CHMP4B: variants seen among roughly 807,000 people sequenced by gnomAD.
CHMP4B encodes the protein SNF7 homolog associated with Alix 1.
CHMP4B carries 1 observed loss-of-function variant against 25.1 expected under a neutral mutation model. That is an observed-to-expected ratio of 0.04 (90% CI 0.01 to 0.19). The LOEUF (loss-of-function observed/expected upper bound fraction) is 0.19. CHMP4B is among the 10% of genes least tolerant of loss of function. CHMP4B has a pLI of 1.00. For synonymous variants in CHMP4B, 101 were observed against 115.6 expected (o/e 0.87, Z 0.81); for missense variants, 151 against 289.7 (o/e 0.52, Z 3.48).
chr20:33,819,675 T>C (rs930314128), intron 1 of CHMP4B, among the ~76,000 whole-genome samples: 2 of 152,090 alleles, frequency 1.3e-5, no homozygotes, highest in African/African-American at 2.4e-5. Flanking sequence ...TGTGGTATAG[T>C]GGAAAAGGTG....
Position 33,811,531 on chromosome 20 carries a change from C to G in CHMP4B, c.63C>G (p.Thr21=). ...GTAAGGCCGGCAAGGGCGGCCCGAC[C>G]CCCCAGGAGGCCATCCAGCGGCTGC... is the stretch of plus-strand genomic sequence containing the variant. The part of the protein sequence containing the change: ...GGGKAGKGGP[T]PQEAIQRLRD... The change falls in exon 1 of 5, where the codon ACC becomes ACG. Residue 21 remains threonine (T), a synonymous_variant. Coordinates refer to ENST00000217402, the MANE Select transcript of CHMP4B (RefSeq NM_176812.5). 1.9e-6 allele frequency: 3 copies of G among 1,609,570 alleles called. No individual in the cohort carries two copies. Among genetic ancestry groups the G allele is most frequent in the Non-Finnish European group, 2.5e-6 (3 of 1,178,048 alleles).
chr20:33,823,431 G>C (rs1372782725), intron 1 of CHMP4B, among the ~76,000 whole-genome samples: 1 of 152,126 alleles, frequency 6.6e-6, no homozygotes, highest in Non-Finnish European at 1.5e-5. Flanking sequence ...GAGTGCAGTG[G>C]TGTGATCATG....
At chr20:33,818,532 T>C (rs868070491) in intron 1 of CHMP4B, among the ~76,000 whole-genome samples, 2 of 101,858 alleles carry the variant, frequency 2.0e-5, no homozygotes, top group East Asian at 2.1e-3. Context: ...AAATCACCTT[T>C]CTTAATTGGG....
intron 1 of CHMP4B, among the ~76,000 whole-genome samples, chr20:33,836,778 C>T (rs1979404026): frequency 6.6e-6 from 1 of 152,186 alleles, no homozygotes; most frequent in South Asian, 2.1e-4. Flanking sequence ...TCCTTGCCTG[C>T]TCCTTGGCCT....
intron 1 of CHMP4B, among the ~76,000 whole-genome samples, chr20:33,832,426 C>T (rs528308660): frequency 6.6e-6 from 1 of 152,186 alleles, no homozygotes; most frequent in African/African-American, 2.4e-5. Flanking sequence ...TCATTCCACC[C>T]GAGGGCCACA....
rs1555792706 is a variant in CHMP4B at position 33,848,457 on chromosome 20, C to T, written c.191-10C>T. 1 of 1,613,916 alleles carries T rather than the reference C, an allele frequency of 6.2e-7. No homozygotes were observed. Among genetic ancestry groups the T allele is most frequent in the South Asian group, 1.1e-5 (1 of 91,056 alleles). On this transcript the variant is annotated splice_polypyrimidine_tract_variant and intron_variant, in intron 1 of 4. Coordinates refer to ENST00000217402, the MANE Select transcript of CHMP4B (RefSeq NM_176812.5). Reference sequence around the variant, plus strand: ...GGACTCTCTGAAACCCTGTTTTCTCCCTCACGCAGCGGCCCTCCAGGCACT... The same window carrying T: ...GGACTCTCTGAAACCCTGTTTTCTCTCTCACGCAGCGGCCCTCCAGGCACT...
chr20:33,813,002 G>C (rs927432487), intron 1 of CHMP4B, among the ~76,000 whole-genome samples: 9 of 152,158 alleles, frequency 5.9e-5, no homozygotes, highest in Non-Finnish European at 1.0e-4. Context: ...TTGTCCGGGG[G>C]TGATAAGTAC....
chr20:33,816,115 G>C (rs911077311), intron 1 of CHMP4B, among the ~76,000 whole-genome samples: 6 of 152,156 alleles, frequency 3.9e-5, no homozygotes, highest in African/African-American at 1.4e-4. Context: ...CCAGTGAGGA[G>C]CCTAGAGCAA....
At chr20:33,821,108 C>G (rs557764140) in intron 1 of CHMP4B, among the ~76,000 whole-genome samples, 1 of 152,040 alleles carries the variant, frequency 6.6e-6, no homozygotes, top group Non-Finnish European at 1.5e-5. Flanking sequence ...CTGGTTTGGC[C>G]GGGTGCGGTG....
rs373310220 is a variant in CHMP4B, at chr20:33,853,594, G to A, written c.*34G>A. On this transcript the variant is annotated 3_prime_UTR_variant, in exon 5 of 5. Transcript: ENST00000217402. ...AGCGCTGGCTGGGCCCAGACAGACT[G>A]TGGTGGCCTGCGCAGCGAGCAGGCG... 5.0e-6 allele frequency: 8 copies of A among 1,595,690 alleles called. No homozygotes were observed. Among genetic ancestry groups the A allele is most frequent in the Admixed American group, 1.7e-5 (1 of 59,952 alleles).
At position 33,851,063 on chromosome 20, in the gene CHMP4B, C is replaced by T. The variant is rs551868035; in HGVS notation, c.480C>T (p.Asp160=). The T allele has an allele frequency of 1.1e-5, 17 of 1,587,314 alleles. No individual in the cohort carries two copies. In the Admixed American group the frequency reaches 1.7e-4, roughly 16 times the overall value. ...CTGTAGGGTTTGGAGAAGAGTTTGA[C>T]GAGGTGAGTAGTTTTGTACAGATCC... ...SKPVGFGEEF[D]EDELMAELEE... The change falls in exon 3 of 5, where the codon GAC becomes GAT. Residue 160 remains aspartate (D), a synonymous_variant. Coordinates refer to ENST00000217402, the MANE Select transcript of CHMP4B (RefSeq NM_176812.5).
At chr20:33,823,426 C>T (rs185807046) in intron 1 of CHMP4B, among the ~76,000 whole-genome samples, 7 of 152,208 alleles carry the variant, frequency 4.6e-5, no homozygotes, top group Middle Eastern at 3.4e-3. Context: ...GGTTGGAGTG[C>T]AGTGGTGTGA....
chr20:33,844,156 T>C (rs1263358293), intron 1 of CHMP4B, among the ~76,000 whole-genome samples: 1 of 152,156 alleles, frequency 6.6e-6, no homozygotes, highest in Non-Finnish European at 1.5e-5. Flanking sequence ...GCCAGGTGCT[T>C]GCGGGAAGTC....
chr20:33,845,744 A>C (rs1979671797), intron 1 of CHMP4B, among the ~76,000 whole-genome samples: 1 of 152,220 alleles, frequency 6.6e-6, no homozygotes, highest in Non-Finnish European at 1.5e-5. Flanking sequence ...ATTCACAATC[A>C]CTTGGTGATT....
intron 1 of CHMP4B, among the ~76,000 whole-genome samples, chr20:33,821,513 G>A (rs1978941077): frequency 6.6e-6 from 1 of 152,254 alleles, no homozygotes; most frequent in East Asian, 1.9e-4. Flanking sequence ...GAGAGGAGTT[G>A]CTACCCAGAC....
intron 1 of CHMP4B, among the ~76,000 whole-genome samples, chr20:33,835,802 C>G (rs747332522): frequency 1.3e-5 from 2 of 152,230 alleles, no homozygotes; most frequent in Non-Finnish European, 2.9e-5. Context: ...AGGGCTCAGG[C>G]TGCATCCACT....
At chr20:33,811,741 C>T (rs1357337341) in intron 1 of CHMP4B, 83 bp downstream of exon 1, 6 of 1,411,358 alleles carry the variant, frequency 4.3e-6, no homozygotes, top group Non-Finnish European at 5.9e-6. Flanking sequence ...TCAGACTCGC[C>T]TCGGGGTCTG....
At chr20:33,815,124 T>C (rs1978748530) in intron 1 of CHMP4B, among the ~76,000 whole-genome samples, 1 of 152,224 alleles carries the variant, frequency 6.6e-6, no homozygotes, top group Non-Finnish European at 1.5e-5. Flanking sequence ...CATCATTTCC[T>C]TGCTGGGTAC....
intron 1 of CHMP4B, among the ~76,000 whole-genome samples, chr20:33,831,939 A>G (rs1428967870): frequency 6.6e-6 from 1 of 152,186 alleles, no homozygotes; most frequent in African/African-American, 2.4e-5. Flanking sequence ...AAAGAGAATC[A>G]GCTTCCTGTG....
Sources: allele counts gnomAD v4.1 joint callset (sites outside exome capture counted in the v4.1 genomes callset), GRCh38; gene constraint gnomAD v4.1.1; transcripts MANE v1.5; gene names NCBI Gene and HGNC (gene_info 2026-07-23, HGNC 2026-07-21).